The following ERBB4 variants were observed in gnomAD, a reference collection of about 807,000 sequenced individuals.
The protein encoded by ERBB4 is receptor tyrosine-protein kinase erbB-4.
A neutral mutation model predicts 158.0 loss-of-function variants in ERBB4; 42 were observed. The ratio of observed to expected loss-of-function variants is 0.27; its 90% CI spans 0.21 to 0.34. ERBB4 has a LOEUF of 0.34. Ranked by LOEUF, ERBB4 falls within the 10% of genes least tolerant of loss-of-function variation. The pLI is 1.00. For missense variants in ERBB4, 1,333 were observed against 1,624.1 expected (o/e 0.82, Z 3.08); for synonymous variants, 583 against 558.7 (o/e 1.04, Z -0.61).
At chr2:212,298,573 T>G (rs1039983472) in intron 1 of ERBB4, among the ~76,000 whole-genome samples, 11 of 151,730 alleles carry the variant, frequency 7.2e-5, no homozygotes, top group Non-Finnish European at 1.3e-4. Context: ...AGAGTAGTAC[T>G]TCTTCCCTAT....
intron 20 of ERBB4, among the ~76,000 whole-genome samples, chr2:211,474,029 G>A (rs1246679298): frequency 6.6e-6 from 1 of 151,854 alleles, no homozygotes; most frequent in Non-Finnish European, 1.5e-5. Context: ...GATTAAAAGG[G>A]TGCAGCTGGC....
intron 20 of ERBB4, among the ~76,000 whole-genome samples, chr2:211,508,605 A>G (rs34155527): frequency 0.37 from 55,955 of 151,998 alleles, 10,589 homozygotes; most frequent in African/African-American, 0.44. Context: ...ATACCATTTG[A>G]CCCAGCAATC....
chr2:211,695,251 C>A (rs1363669013), intron 12 of ERBB4, among the ~76,000 whole-genome samples: 2 of 152,158 alleles, frequency 1.3e-5, no homozygotes, highest in African/African-American at 4.8e-5. Context: ...CCAGAGAGTT[C>A]AGTTATTAGC....
chr2:211,837,586 G>C (rs1029122992), intron 3 of ERBB4, among the ~76,000 whole-genome samples: 5 of 152,192 alleles, frequency 3.3e-5, no homozygotes, highest in African/African-American at 9.6e-5. Flanking sequence ...CTCAATCCAA[G>C]CTGCCTAGGG....
chr2:211,772,901 A>C (rs2075744202), intron 4 of ERBB4, among the ~76,000 whole-genome samples: 1 of 54,100 alleles, frequency 1.8e-5, no homozygotes, highest in Non-Finnish European at 3.8e-5. Flanking sequence ...ACACACACAT[A>C]TATATATACA....
At chr2:211,598,319 C>G (rs1038040860) in intron 19 of ERBB4, among the ~76,000 whole-genome samples, 1 of 151,678 alleles carries the variant, frequency 6.6e-6, no homozygotes, top group African/African-American at 2.4e-5. Flanking sequence ...AAAAATGAAC[C>G]CTGAAAACAG....
At chr2:211,822,191 A>G (rs1211429740) in intron 3 of ERBB4, among the ~76,000 whole-genome samples, 1 of 151,950 alleles carries the variant, frequency 6.6e-6, no homozygotes, top group Non-Finnish European at 1.5e-5. Context: ...TAAAGAATAC[A>G]CAATTACAGC....
chr2:211,657,534 G>T, intron 16 of ERBB4: 1 of 543,412 alleles, frequency 1.8e-6, no homozygotes. Context: ...GAAATCGATG[G>T]TGTTACTAAC....
chr2:211,769,500 T>A (rs943915271), intron 4 of ERBB4, among the ~76,000 whole-genome samples: 2 of 152,120 alleles, frequency 1.3e-5, no homozygotes, highest in East Asian at 3.8e-4. Flanking sequence ...AAAGGATATA[T>A]AGGAAAGAGA....
intron 1 of ERBB4, among the ~76,000 whole-genome samples, chr2:212,391,642 A>ATTGACATATAATATTAT (rs1553631801): frequency 7.2e-6 from 1 of 138,954 alleles, no homozygotes; most frequent in African/African-American, 2.7e-5. Context: ...ATTGACATAT[A>ATTGACATATAATATTAT]ATATTATATA....
At chr2:211,585,015 C>A (rs2068222038) in intron 19 of ERBB4, among the ~76,000 whole-genome samples, 1 of 151,834 alleles carries the variant, frequency 6.6e-6, no homozygotes. Context: ...TAGCTAGTAA[C>A]CCAGGCCTAT....
intron 16 of ERBB4, among the ~76,000 whole-genome samples, chr2:211,646,272 T>C (rs964676555): frequency 6.6e-6 from 1 of 151,464 alleles, no homozygotes; most frequent in African/African-American, 2.4e-5. Context: ...TTTGTAATTT[T>C]AAATTTTATT....
At chr2:211,584,011 G>A (rs7589006) in intron 19 of ERBB4, among the ~76,000 whole-genome samples, 106,157 of 144,778 alleles carry the variant, frequency 0.73, 40,992 homozygotes, top group East Asian at 0.87. Context: ...TATTATGACA[G>A]GTGAGATAGC....
At chr2:211,532,900 A>G (rs2066540062) in intron 20 of ERBB4, among the ~76,000 whole-genome samples, 2 of 151,958 alleles carry the variant, frequency 1.3e-5, no homozygotes, top group South Asian at 4.1e-4. Flanking sequence ...TTTAGCTTAT[A>G]TAAACTTTCG....
intron 12 of ERBB4, among the ~76,000 whole-genome samples, chr2:211,685,580 T>C (rs2072531698): frequency 6.6e-6 from 1 of 152,240 alleles, no homozygotes; most frequent in African/African-American, 2.4e-5. Context: ...TTGTTTCTTT[T>C]CCAAAATTGT....
intron 1 of ERBB4, among the ~76,000 whole-genome samples, chr2:212,235,169 G>A (rs2083817150): frequency 6.6e-6 from 1 of 152,044 alleles, no homozygotes; most frequent in African/African-American, 2.4e-5. Context: ...GTAAGGAAGG[G>A]GTCCAATTTC....
At chr2:211,540,574 T>C (rs538771012) in intron 20 of ERBB4, among the ~76,000 whole-genome samples, 1 of 151,782 alleles carries the variant, frequency 6.6e-6, no homozygotes, top group East Asian at 1.9e-4. Flanking sequence ...TTTTGTTTTG[T>C]TTTTTTGGAG....
intron 1 of ERBB4, chr2:212,125,212 A>G (rs1178484875): frequency 1.0e-5 from 2 of 200,460 alleles, no homozygotes; most frequent in Non-Finnish European, 1.8e-5. Flanking sequence ...CTTTTATTTA[A>G]ACATTTTTTT....
intron 20 of ERBB4, among the ~76,000 whole-genome samples, chr2:211,460,966 T>A (rs2064514789): frequency 6.6e-6 from 1 of 152,152 alleles, no homozygotes; most frequent in Admixed American, 6.6e-5. Context: ...TTTCCTTTGT[T>A]ATTTCTTTCA....
Sources: gnomAD v4.1 joint callset for allele counts (sites outside exome capture counted in the v4.1 genomes callset) on GRCh38, gnomAD v4.1.1 for gene constraint, MANE v1.5 for transcripts, NCBI Gene and HGNC (gene_info 2026-07-23, HGNC 2026-07-21) for gene names.